The following DSG1 variants were observed in gnomAD, a reference collection of about 807,000 sequenced individuals.
DSG1 encodes the protein desmoglein 1, also known as desmoglein-1.
In DSG1, 39 loss-of-function variants were observed where a neutral mutation model predicts 97.5. The ratio of observed to expected loss-of-function variants is 0.40; its 90% CI spans 0.31 to 0.52. The LOEUF (loss-of-function observed/expected upper bound fraction) is 0.52, where lower values mean the gene tolerates loss of function less well. Ranked by LOEUF, DSG1 falls within the 20% of genes least tolerant of loss-of-function variation. The pLI is 0.53. For synonymous variants in DSG1, 475 were observed against 443.4 expected (o/e 1.07, Z -0.90); for missense variants, 1,311 against 1,295.4 (o/e 1.01, Z -0.18).
At position 31,357,081 on chromosome 18, in the gene DSG1, C is replaced by T. The variant is rs1032140271; in HGVS notation, c.*1735C>T. 6.6e-6 allele frequency: 1 copy of T among 151,960 alleles called. No homozygotes were observed. Among genetic ancestry groups the T allele is most frequent in the African/African-American group, 2.4e-5 (1 of 41,406 alleles). 9.4% of individuals were successfully genotyped at this position (151,960 alleles called of 1,614,324 possible). On this transcript the variant is annotated 3_prime_UTR_variant, in exon 15 of 15. Transcript: ENST00000257192. ...GAATTTACCCCAATTACTCAAATTT[C>T]CCAGGAAATTACAAAGCCAAAGAAT... is the stretch of plus-strand genomic sequence containing the variant.
chr18:31,324,787 C>T (rs898114355), intron 1 of DSG1, among the ~76,000 whole-genome samples: 13 of 152,200 alleles, frequency 8.5e-5, no homozygotes, highest in African/African-American at 3.1e-4. Flanking sequence ...CCCTCAACTG[C>T]TCACCGTCTG....
At chr18:31,337,665 A>G (rs1424939000) in intron 9 of DSG1, among the ~76,000 whole-genome samples, 1 of 152,204 alleles carries the variant, frequency 6.6e-6, no homozygotes, top group Non-Finnish European at 1.5e-5. Flanking sequence ...CTTGTACCCC[A>G]CAGGAGTGAG....
intron 11 of DSG1, 52 bp downstream of exon 11, chr18:31,340,077 G>T (rs138089097): frequency 3.4e-5 from 52 of 1,550,398 alleles, no homozygotes; most frequent in Non-Finnish European, 4.1e-5. Flanking sequence ...AATGCTGGGG[G>T]AGGAGTTAAG....
rs200411416 is a variant in DSG1, at chr18:31,336,556, A to G, written c.1208A>G (p.Lys403Arg). 1.2e-6 allele frequency: 2 copies of G among 1,614,094 alleles called. No homozygotes were observed. The highest frequency in any genetic ancestry group is 8.5e-7 in the Non-Finnish European group (1 of 1,179,962). ...VVTGNMGSND[K>R]VGDFVATDLD... ...ACTGGTAATATGGGATCAAATGATA[A>G]AGTGGGAGACTTTGTAGCTACTGAC... The change falls in exon 9 of 15, where the codon AAA becomes AGA. Residue 403 changes from lysine to arginine, a missense_variant. This residue lies in a region of DSG1 where 1,038 missense variants were observed against 964.6 expected (regional missense o/e 1.08). Transcript: ENST00000257192.
intron 1 of DSG1, among the ~76,000 whole-genome samples, chr18:31,325,605 C>CT (rs536341212): frequency 0.016 from 2,376 of 149,738 alleles, 65 homozygotes; most frequent in African/African-American, 0.053. Flanking sequence ...ATTTACTTTT[C>CT]TTTTTTTTTT....
chr18:31,348,686 T>C (rs1598713325), intron 14 of DSG1, among the ~76,000 whole-genome samples: 3 of 149,346 alleles, frequency 2.0e-5, no homozygotes, highest in Non-Finnish European at 4.4e-5. Context: ...TGGTATCTCA[T>C]TGTGGTTTTG....
At chr18:31,331,492 C>T (rs2071720626) in intron 5 of DSG1, among the ~76,000 whole-genome samples, 1 of 151,984 alleles carries the variant, frequency 6.6e-6, no homozygotes. Flanking sequence ...TCAACAATGT[C>T]TAGATTCCTA....
chr18:31,350,119 C>T, intron 14 of DSG1, among the ~76,000 whole-genome samples: 1 of 84,770 alleles, frequency 1.2e-5, no homozygotes, highest in Non-Finnish European at 2.1e-5. Context: ...ATAGATAGCT[C>T]TTATTATTTT....
intron 10 of DSG1, among the ~76,000 whole-genome samples, chr18:31,339,044 A>G (rs932082911): frequency 6.6e-6 from 1 of 152,148 alleles, no homozygotes; most frequent in Non-Finnish European, 1.5e-5. Context: ...AACCTCAAAC[A>G]AATTATTCCC....
intron 3 of DSG1, among the ~76,000 whole-genome samples, chr18:31,327,241 A>T (rs1378340339): frequency 6.6e-6 from 1 of 152,206 alleles, no homozygotes; most frequent in East Asian, 1.9e-4. Context: ...ACACATGATC[A>T]TGTGTTATCC....
chr18:31,326,028 T>C (rs888172724), intron 1 of DSG1, among the ~76,000 whole-genome samples: 2 of 152,024 alleles, frequency 1.3e-5, no homozygotes, highest in Non-Finnish European at 2.9e-5. Context: ...AGATACACAA[T>C]GGATATGTAA....
rs545482589 is a variant in DSG1, at chr18:31,339,636, G to A, written c.1406-108G>A. ...ATTTTCAAGTTAGGAGAAATTATGGGAATAAAGACACTGAAATAAATGTTA... is the reference window on the plus strand; with the variant it reads ...ATTTTCAAGTTAGGAGAAATTATGGAAATAAAGACACTGAAATAAATGTTA... On this transcript the variant is annotated intron_variant, in intron 10 of 14. Transcript: ENST00000257192. 1.1e-5 allele frequency: 9 copies of A among 823,852 alleles called. No individual in the cohort carries two copies. In the South Asian group the frequency reaches 1.6e-4, roughly 14 times the overall value. The allele number at this position is 823,852 out of a possible 1,614,324, so 51.0% of individuals were successfully genotyped here. A position where few individuals can be genotyped will look rare whatever the true frequency, so the allele number is the denominator to read the frequency against.
intron 11 of DSG1, among the ~76,000 whole-genome samples, chr18:31,340,410 C>G (rs1406256975): frequency 6.6e-6 from 1 of 151,752 alleles, no homozygotes. Context: ...AGTTCAAGAC[C>G]AGCCTGGCCA....
rs771808350 is a variant in DSG1 at position 31,338,407 on chromosome 18, A to C, written c.1358A>C (p.Tyr453Ser). Residue 453 changes from tyrosine to serine, a missense_variant, in exon 10 of 15, where the codon TAC becomes TCC. Transcript: ENST00000257192. ...TLKNKVTKEQ[Y>S]NMLGGKYQGT... ...AAAAATAAAGTTACCAAGGAACAGT[A>C]CAATATGCTCGGAGGAAAATACCAA... The C allele has an allele frequency of 6.2e-7, 1 of 1,613,794 alleles. No individual in the cohort carries two copies. Among genetic ancestry groups the C allele is most frequent in the East Asian group, 2.2e-5 (1 of 44,786 alleles).
At chr18:31,335,545 A>G (rs1463619204) in intron 8 of DSG1, among the ~76,000 whole-genome samples, 1 of 134,660 alleles carries the variant, frequency 7.4e-6, no homozygotes, top group Non-Finnish European at 1.7e-5. Flanking sequence ...TGTGTAATGT[A>G]TATATACTTT....
intron 14 of DSG1, among the ~76,000 whole-genome samples, chr18:31,351,152 G>T (rs1486192237): frequency 6.8e-6 from 1 of 146,712 alleles, no homozygotes; most frequent in African/African-American, 2.7e-5. Context: ...GCGTCCCAGA[G>T]ATTCTGGTAT....
chr18:31,324,658 T>A (rs932529140), intron 1 of DSG1, among the ~76,000 whole-genome samples: 3 of 152,124 alleles, frequency 2.0e-5, no homozygotes, highest in Non-Finnish European at 4.4e-5. Context: ...CCCCATCCCA[T>A]TTGTTCTCAA....
chr18:31,323,976 C>CTTTTT lies in DSG1; in HGVS notation c.49-2587_49-2583dup, dbSNP rs1203163479. On this transcript the variant is annotated intron_variant, in intron 1 of 14. Transcript: ENST00000257192. Reference sequence around the variant, plus strand: ...TCTTTCGCCACTCCTTCTCTCCTTCCTTTTTTTTTTTTTTTTTTTTTTCTT... The same window carrying CTTTTT: ...TCTTTCGCCACTCCTTCTCTCCTTCCTTTTTTTTTTTTTTTTTTTTTTTTTTTCTT... Among the ~76,000 whole-genome samples the CTTTTT allele has an allele frequency of 1.6e-3, 152 of 94,990 alleles. 5 individuals are homozygous for CTTTTT. Among genetic ancestry groups the CTTTTT allele is most frequent in the African/African-American group, 2.5e-3 (63 of 24,918 alleles). The allele number at this position is 94,990 out of a possible 152,430, so 62.3% of individuals were successfully genotyped here. A position where few individuals can be genotyped will look rare whatever the true frequency, so the allele number is the denominator to read the frequency against.
At chr18:31,329,752 G>C (rs1040833428) in intron 4 of DSG1, 140 bp from the exon 5 acceptor site, 4 of 1,038,010 alleles carry the variant, frequency 3.9e-6, no homozygotes, top group Non-Finnish European at 5.8e-6. Context: ...TTCCCTTAGT[G>C]ACTGTAAGTA....
Sources: allele counts gnomAD v4.1 joint callset (sites outside exome capture counted in the v4.1 genomes callset), GRCh38; gene constraint gnomAD v4.1.1; regional missense constraint gnomAD v4.1.1; transcripts MANE v1.5; gene names NCBI Gene and HGNC (gene_info 2026-07-23, HGNC 2026-07-21).